Variants in SKA1 observed in about 807,000 individuals in gnomAD.
The protein encoded by SKA1 is SKA complex subunit 1.
SKA1 carries 20 observed loss-of-function variants against 31.8 expected under a neutral mutation model. That is an observed-to-expected ratio of 0.63 (90% CI 0.44 to 0.91). SKA1 has a LOEUF of 0.91. Among genes scored for constraint, SKA1 ranks in the 40% least tolerant of loss-of-function variants. SKA1 has a pLI of 0.00. For missense variants in SKA1, 253 were observed against 298.2 expected, an observed-to-expected ratio of 0.85 and a Z score of 1.12; for synonymous variants, 88 against 100.5, an observed-to-expected ratio of 0.88 and a Z score of 0.74.
chr18:50,384,867 A>AG, intron 4 of SKA1, among the ~76,000 whole-genome samples: 1 of 123,022 alleles, frequency 8.1e-6, no homozygotes, highest in Admixed American at 7.6e-5. Flanking sequence ...AAAAAAAAAA[A>AG]AATTAAAAAA....
chr18:50,387,003 G>A (rs921356091), intron 5 of SKA1, among the ~76,000 whole-genome samples: 7 of 152,186 alleles, frequency 4.6e-5, no homozygotes, highest in Non-Finnish European at 7.3e-5. Context: ...TGCAGGTTTC[G>A]TGTAGACATA....
intron 3 of SKA1, among the ~76,000 whole-genome samples, chr18:50,381,799 C>T (rs533852282): frequency 6.8e-6 from 1 of 147,780 alleles, no homozygotes; most frequent in African/African-American, 2.5e-5. Flanking sequence ...GATCTCAGCT[C>T]ACTGCAGCCT....
In SKA1 at chr18:50,390,599, A is replaced by G. The variant is rs371826885; in HGVS notation, c.450-525A>G. Among the ~76,000 whole-genome samples, 8 of 152,220 alleles carry G rather than the reference A, an allele frequency of 5.3e-5. No individual in the cohort carries two copies. In the East Asian group the frequency reaches 1.5e-3, roughly 29 times the overall value. ...GCAGCTTCCAGTCACTCACTCCTATATATCCCCTACCCCATCAGTTCTCCT... is the reference window on the plus strand; with the variant it reads ...GCAGCTTCCAGTCACTCACTCCTATGTATCCCCTACCCCATCAGTTCTCCT... On this transcript the variant is annotated intron_variant, in intron 5 of 6. Transcript: ENST00000285116.
In SKA1 at chr18:50,375,919, G is replaced by T. The variant is rs753308973; in HGVS notation, c.88+1G>T. 1 of 1,564,944 alleles carries T rather than the reference G, an allele frequency of 6.4e-7. No homozygotes were observed. Among genetic ancestry groups the T allele is most frequent in the Non-Finnish European group, 8.8e-7 (1 of 1,140,552 alleles). On this transcript the variant is annotated splice_donor_variant, in intron 2 of 6. Coordinates refer to ENST00000285116, the MANE Select transcript of SKA1 (RefSeq NM_145060.4). LOFTEE classifies it high-confidence loss of function. ...AAAACCTTATCATTAAGAAACTGTG[G>T]TAAGTAAAACAGATTCCACTGACTT...
At chr18:50,385,115 G>A in intron 4 of SKA1, 101 bp from the exon 5 acceptor site, 1 of 934,662 alleles carries the variant, frequency 1.1e-6, no homozygotes, top group South Asian at 2.1e-5. Flanking sequence ...GATTATAACA[G>A]GATGAGTTAC....
chr18:50,384,643 G>GT (rs1351862089), intron 4 of SKA1, among the ~76,000 whole-genome samples: 1 of 145,288 alleles, frequency 6.9e-6, no homozygotes, highest in African/African-American at 2.7e-5. Flanking sequence ...AAGCTGTTAA[G>GT]GGGTTAGAAC....
Position 50,392,302 on chromosome 18 carries a change from C to G in SKA1, c.*55C>G. 9.3e-7 allele frequency: 1 copy of G among 1,072,380 alleles called. No homozygotes were observed. Among genetic ancestry groups the G allele is most frequent in the Middle Eastern group, 2.8e-4 (1 of 3,622 alleles). 66.4% of individuals were successfully genotyped at this position (1,072,380 alleles called of 1,614,324 possible). A position where few individuals can be genotyped will look rare whatever the true frequency, so the allele number is the denominator to read the frequency against. ...AGGGTATAGAGTATAGAGGCTATTT[C>G]TATAATTTTCTTATATATAATTTTT... On this transcript the variant is annotated 3_prime_UTR_variant, in exon 7 of 7. Transcript: ENST00000285116.
intron 2 of SKA1, among the ~76,000 whole-genome samples, chr18:50,376,404 A>T (rs2149318400): frequency 6.6e-6 from 1 of 152,354 alleles, no homozygotes; most frequent in South Asian, 2.1e-4. Context: ...ATAGCATGTG[A>T]CTGTACTGAA....
chr18:50,392,085 A>G lies in SKA1; in HGVS notation c.620-14A>G. On this transcript the variant is annotated splice_polypyrimidine_tract_variant and intron_variant, in intron 6 of 6. Transcript: ENST00000285116. ...TGGCCTTATAAAAATTAGCACTAAT[A>G]TCTTTATTTTTAGGTCGTTATTTTA... 6.4e-7 allele frequency: 1 copy of G among 1,550,542 alleles called. No individual in the cohort carries two copies.
rs763324350 is a variant in SKA1 at position 50,392,186 on chromosome 18, G to T, written c.707G>T (p.Arg236Leu). 1.2e-6 allele frequency: 2 copies of T among 1,610,146 alleles called. No homozygotes were observed. The highest frequency in any genetic ancestry group is 1.7e-6 in the Non-Finnish European group (2 of 1,179,286). ...TTTCACGTGTTACTGAATATTTTAC[G>T]ACACTGCCGGAGGCTATCAGAGGTC... The part of the protein sequence containing the change: ...KKFHVLLNIL[R>L]HCRRLSEVRG... Residue 236 changes from arginine to leucine, a missense_variant, in exon 7 of 7, where the codon CGA becomes CTA. Transcript: ENST00000285116.
intron 2 of SKA1, among the ~76,000 whole-genome samples, chr18:50,379,901 G>C (rs1476504763): frequency 6.6e-6 from 1 of 152,202 alleles, no homozygotes; most frequent in Admixed American, 6.5e-5. Context: ...AGAAACAAAA[G>C]ACGCAGGAGA....
In SKA1 at chr18:50,380,516, A is replaced by G. The variant is rs1476275846; in HGVS notation, c.213+266A>G. ...CTTGGTAGCTTTAATTTAAACAATG[A>G]TGTTCTAGTAGAGTGGTATGTAAAG... On this transcript the variant is annotated intron_variant, in intron 3 of 6. Coordinates refer to ENST00000285116, the MANE Select transcript of SKA1 (RefSeq NM_145060.4). 2.0e-5 allele frequency among the ~76,000 whole-genome samples: 3 copies of G among 152,192 alleles called. No homozygotes were observed. In the East Asian group the frequency reaches 5.8e-4, roughly 29 times the overall value.
At chr18:50,387,589 A>G (rs1010156184) in intron 5 of SKA1, among the ~76,000 whole-genome samples, 2 of 152,112 alleles carry the variant, frequency 1.3e-5, no homozygotes, top group East Asian at 3.9e-4. Flanking sequence ...GGAAGTATCT[A>G]TTGACGTTAT....
Position 50,375,938 on chromosome 18 carries a change from C to T in SKA1, c.88+20C>T. The T allele has an allele frequency of 6.8e-7, 1 of 1,465,538 alleles. No individual in the cohort carries two copies. Among genetic ancestry groups the T allele is most frequent in the South Asian group, 1.2e-5 (1 of 84,864 alleles). 90.8% of individuals were successfully genotyped at this position (1,465,538 alleles called of 1,614,324 possible). On this transcript the variant is annotated intron_variant, in intron 2 of 6. Transcript: ENST00000285116. ...ACTGTGGTAAGTAAAACAGATTCCACTGACTTTGTATATACAAAATGCATT... is the reference window on the plus strand; with the variant it reads ...ACTGTGGTAAGTAAAACAGATTCCATTGACTTTGTATATACAAAATGCATT...
At chr18:50,386,487 C>G (rs1445782682) in intron 5 of SKA1, among the ~76,000 whole-genome samples, 1 of 152,202 alleles carries the variant, frequency 6.6e-6, no homozygotes, top group Non-Finnish European at 1.5e-5. Context: ...CGCTTCTCCC[C>G]TGCACACAGT....
At chr18:50,384,871 T>TAAAAAAAAAAAAAAAAA (rs10608403) in intron 4 of SKA1, among the ~76,000 whole-genome samples, 28 of 82,614 alleles carry the variant, frequency 3.4e-4, no homozygotes, top group East Asian at 7.6e-4. Context: ...AAAAAAAAAT[T>TAAAAAAAAAAAAAAAAA]AAAAAAAAAA....
intron 3 of SKA1, among the ~76,000 whole-genome samples, chr18:50,381,816 CCCA>C (rs2041265753): frequency 6.6e-6 from 1 of 151,100 alleles, no homozygotes; most frequent in Non-Finnish European, 1.5e-5. Context: ...GCCTCCTCCT[CCCA>C]GGTTCAAGCA....
intron 5 of SKA1, among the ~76,000 whole-genome samples, chr18:50,385,944 G>A (rs1051108405): frequency 1.2e-4 from 18 of 152,042 alleles, no homozygotes; most frequent in African/African-American, 4.3e-4. Context: ...TACATTTCTT[G>A]TTACCTTTTT....
intron 5 of SKA1, among the ~76,000 whole-genome samples, chr18:50,388,995 C>G (rs1476926613): frequency 1.3e-5 from 2 of 152,200 alleles, no homozygotes; most frequent in African/African-American, 4.8e-5. Flanking sequence ...CCAGTGGCTT[C>G]TGTCCCTAGG....
Sources: allele counts gnomAD v4.1 joint callset (sites outside exome capture counted in the v4.1 genomes callset), GRCh38; gene constraint gnomAD v4.1.1; transcripts MANE v1.5; gene names NCBI Gene and HGNC (gene_info 2026-07-23, HGNC 2026-07-21).